Variants in DLG1 observed in about 807,000 individuals in gnomAD.
DLG1 encodes the protein disks large homolog 1.
Under a neutral mutation model 123.4 loss-of-function variants are expected in DLG1, and 42 were observed. The observed-to-expected ratio is 0.34, with a 90% CI of 0.27 to 0.44. The LOEUF (loss-of-function observed/expected upper bound fraction) is 0.44, where lower values mean the gene tolerates loss of function less well. DLG1 is among the 20% of genes least tolerant of loss of function. The pLI, the probability that DLG1 is intolerant of heterozygous loss-of-function variation, is 1.00. For synonymous variants in DLG1, 317 were observed against 356.2 expected (o/e 0.89, Z 1.24); for missense variants, 942 against 1,082.6 (o/e 0.87, Z 1.82).
intron 4 of DLG1, among the ~76,000 whole-genome samples, chr3:197,219,766 G>C (rs1735983401): frequency 6.6e-6 from 1 of 152,150 alleles, no homozygotes; most frequent in Non-Finnish European, 1.5e-5. Flanking sequence ...GAAAGGCCAC[G>C]TGAAGAGGCA....
chr3:197,131,584 C>CTTTTTTTTTTTTTT (rs773487577), intron 10 of DLG1, among the ~76,000 whole-genome samples: 3 of 65,736 alleles, frequency 4.6e-5, no homozygotes, highest in African/African-American at 1.6e-4. Flanking sequence ...TTCTTCCTTT[C>CTTTTTTTTTTTTTT]TTTTTTTTTT....
intron 3 of DLG1, chr3:197,293,830 G>C (rs182717277): frequency 1.3e-5 from 2 of 153,782 alleles, no homozygotes; most frequent in East Asian, 4.0e-4. Flanking sequence ...AAACAGCTCA[G>C]GTGGCCAAGA....
intron 4 of DLG1, among the ~76,000 whole-genome samples, chr3:197,256,006 A>G (rs1381637819): frequency 2.0e-5 from 3 of 152,228 alleles, no homozygotes; most frequent in Admixed American, 2.0e-4. Context: ...CCAATAAACA[A>G]GAATCTTTGG....
intron 4 of DLG1, among the ~76,000 whole-genome samples, chr3:197,230,537 G>A (rs1578389652): frequency 6.6e-6 from 1 of 152,180 alleles, no homozygotes; most frequent in South Asian, 2.1e-4. Context: ...ATAAAACAAG[G>A]GTAAGCTAAC....
chr3:197,051,833 A>ATTTTTTT (rs35979905), intron 23 of DLG1, among the ~76,000 whole-genome samples, 165 bp from the exon 24 acceptor site: 1 of 90,252 alleles, frequency 1.1e-5, no homozygotes, highest in Non-Finnish European at 2.2e-5. Context: ...ATTTCTGGGA[A>ATTTTTTT]TTTTTTTTTT....
In DLG1 at chr3:197,043,724, G is replaced by A. The variant is rs970168211; in HGVS notation, c.*899C>T. The A allele has an allele frequency of 6.6e-6, 1 of 151,742 alleles. No individual in the cohort carries two copies. The highest frequency in any genetic ancestry group is 1.5e-5 in the Non-Finnish European group (1 of 67,934). The allele number at this position is 151,742 out of a possible 1,614,324, so 9.4% of individuals were successfully genotyped here. A position where few individuals can be genotyped will look rare whatever the true frequency, so the allele number is the denominator to read the frequency against. The stretch of plus-strand genomic sequence containing the variant: ...GTGGGTAAAATATTCAGTAAAATCT[G>A]ACTCCTAAGAATACATTTGAAGTTT... On this transcript the variant is annotated 3_prime_UTR_variant, in exon 25 of 25. Transcript: ENST00000667157.
At chr3:197,103,901 C>T (rs1252425440) in intron 14 of DLG1, among the ~76,000 whole-genome samples, 1 of 152,032 alleles carries the variant, frequency 6.6e-6, no homozygotes, top group East Asian at 1.9e-4. Flanking sequence ...GGTATTTAAG[C>T]TTTCTAAATT....
chr3:197,066,740 ATTC>A lies in DLG1; in HGVS notation c.2059_2061del (p.Glu687del). 1.2e-6 allele frequency: 2 copies of A among 1,603,384 alleles called. No homozygotes were observed. The highest frequency in any genetic ancestry group is 1.7e-6 in the Non-Finnish European group (2 of 1,172,328). On this transcript the variant is annotated inframe_deletion, in exon 20 of 25. Coordinates refer to ENST00000667157, the MANE Select transcript of DLG1 (RefSeq NM_001366207.1). ...TTCACTGGTTCATAAGATAAGACGT[ATTC>A]TTCTTGACCACCTATTAGAAAGTGA...
At chr3:197,294,932 G>A (rs1434582043) in intron 3 of DLG1, among the ~76,000 whole-genome samples, 1 of 151,924 alleles carries the variant, frequency 6.6e-6, no homozygotes, top group Non-Finnish European at 1.5e-5. Context: ...TCTCTATACT[G>A]TTGCGAAAAA....
intron 24 of DLG1, among the ~76,000 whole-genome samples, chr3:197,047,425 G>A (rs984515162): frequency 2.0e-5 from 3 of 152,024 alleles, no homozygotes; most frequent in Non-Finnish European, 4.4e-5. Flanking sequence ...AAATAAGAAA[G>A]CACAAGGTTT....
chr3:197,158,427 A>G (rs1000904750), intron 5 of DLG1, among the ~76,000 whole-genome samples: 1 of 148,420 alleles, frequency 6.7e-6, no homozygotes, highest in East Asian at 2.0e-4. Context: ...GTTTGAGGCC[A>G]GTCTGACCAA....
At chr3:197,147,006 A>G (rs1005546420) in intron 6 of DLG1, among the ~76,000 whole-genome samples, 3 of 152,214 alleles carry the variant, frequency 2.0e-5, no homozygotes, top group Non-Finnish European at 4.4e-5. Context: ...AAAATTCTCA[A>G]AGGAAGATAC....
At chr3:197,135,166 C>T (rs997987615) in intron 10 of DLG1, among the ~76,000 whole-genome samples, 1 of 152,190 alleles carries the variant, frequency 6.6e-6, no homozygotes, top group Non-Finnish European at 1.5e-5. Flanking sequence ...CCAAATAATA[C>T]CTTAGCACTT....
At chr3:197,234,990 T>C (rs1745202793) in intron 4 of DLG1, among the ~76,000 whole-genome samples, 1 of 152,154 alleles carries the variant, frequency 6.6e-6, no homozygotes, top group Non-Finnish European at 1.5e-5. Flanking sequence ...AACTTCTACG[T>C]CAGGCCATGA....
At position 197,282,797 on chromosome 3, in the gene DLG1, A is replaced by C; in HGVS notation, c.200T>G (p.Ile67Arg). The change falls in exon 4 of 25, where the codon ATA becomes AGA. Residue 67 changes from isoleucine (I) to arginine (R), a missense_variant. By Grantham distance (97) the Ile-to-Arg change is moderately conservative (BLOSUM62 -3). Coordinates refer to ENST00000667157, the MANE Select transcript of DLG1 (RefSeq NM_001366207.1). The stretch of plus-strand genomic sequence containing the variant: ...TGGTTCAGACGGCTTTGAACGATCT[A>C]TACATTTTGGATTATCCAGTAAGGT... ...EVTLLDNPKC[I>R]DRSKPSEPIQ... The C allele has an allele frequency of 3.1e-6, 5 of 1,605,350 alleles. No individual in the cohort carries two copies. In the South Asian group the frequency reaches 4.5e-5, roughly 14 times the overall value.
At chr3:197,068,671 G>GT in intron 19 of DLG1, 1 of 560,170 alleles carries the variant, frequency 1.8e-6, no homozygotes, top group Non-Finnish European at 3.1e-6. Context: ...TGCTTGTGCA[G>GT]TTCACTTAAT....
At chr3:197,157,890 A>T (rs2149840438) in intron 5 of DLG1, among the ~76,000 whole-genome samples, 1 of 152,342 alleles carries the variant, frequency 6.6e-6, no homozygotes, top group East Asian at 1.9e-4. Flanking sequence ...GCCATATACA[A>T]TTATCAACCT....
intron 4 of DLG1, among the ~76,000 whole-genome samples, chr3:197,261,649 C>A (rs1425805563): frequency 6.6e-6 from 1 of 152,170 alleles, no homozygotes; most frequent in Non-Finnish European, 1.5e-5. Flanking sequence ...ACTGCACTAA[C>A]AACTTTCAGA....
chr3:197,285,503 G>A (rs1771420232), intron 3 of DLG1, among the ~76,000 whole-genome samples: 1 of 151,812 alleles, frequency 6.6e-6, no homozygotes. Context: ...GAAAATACTG[G>A]CAAAACACAT....
Sources: allele counts gnomAD v4.1 joint callset (sites outside exome capture counted in the v4.1 genomes callset), GRCh38; gene constraint gnomAD v4.1.1; transcripts MANE v1.5; gene names NCBI Gene and HGNC (gene_info 2026-07-23, HGNC 2026-07-21).